NAA16: variants seen among roughly 807,000 people sequenced by gnomAD.
NAA16 encodes the protein N-alpha-acetyltransferase 16, NatA auxiliary subunit.
A neutral mutation model predicts 110.3 loss-of-function variants in NAA16; 97 were observed. That is an observed-to-expected ratio of 0.88 (90% confidence interval 0.75 to 1.04). NAA16 has a LOEUF of 1.04. Among genes scored for constraint, NAA16 ranks in the 50% least tolerant of loss-of-function variants. NAA16 has a pLI of 0.00. For missense variants in NAA16, 1,017 were observed against 1,005.1 expected (o/e 1.01, Z -0.16); for synonymous variants, 372 against 330.6 (o/e 1.13, Z -1.36).
Position 41,316,865 on chromosome 13 carries a change from A to T in NAA16, c.74A>T (p.Gln25Leu). The T allele has an allele frequency of 6.2e-7, 1 of 1,612,820 alleles. No individual in the cohort carries two copies. The highest frequency in any genetic ancestry group is 8.5e-7 in the Non-Finnish European group (1 of 1,178,898). Residue 25 changes from glutamine (Q) to leucine (L), a missense_variant, in exon 2 of 20, where the codon CAG becomes CTG. By Grantham distance (113) the Gln-to-Leu change is moderately radical. Coordinates refer to ENST00000379406, the MANE Select transcript of NAA16 (RefSeq NM_024561.5). The stretch of plus-strand genomic sequence containing the variant: ...TTACAGAAATGTTATGAACAGAAGC[A>T]GTACAAAAATGGCCTCAAGTTTTGC... ...KRILKCYEQK[Q>L]YKNGLKFCKM...
chr13:41,318,223 A>G (rs769258321), intron 2 of NAA16, among the ~76,000 whole-genome samples: 9 of 146,762 alleles, frequency 6.1e-5, no homozygotes, highest in Non-Finnish European at 9.0e-5. Context: ...TTTTTTTTTT[A>G]AGACAGAGTC....
At chr13:41,342,899 G>A (rs1362190711) in intron 9 of NAA16, among the ~76,000 whole-genome samples, 2 of 152,028 alleles carry the variant, frequency 1.3e-5, no homozygotes, top group Non-Finnish European at 2.9e-5. Flanking sequence ...ATCAGTTTCC[G>A]TGTTCTCAAA....
chr13:41,316,539 A>G (rs1031920946), intron 1 of NAA16, among the ~76,000 whole-genome samples: 2 of 152,086 alleles, frequency 1.3e-5, no homozygotes, highest in Non-Finnish European at 2.9e-5. Context: ...TCCTGAGCTC[A>G]AGCGATCCGC....
At position 41,350,627 on chromosome 13, in the gene NAA16, TG is replaced by T. The variant is rs200477672; in HGVS notation, c.1015-4516del. ...TTTTTGTTTTTTTTTTTTGTTTGTTTGTTTTTTTTAAGATAAGAGTTTCACT... is the reference window on the plus strand; with the variant it reads ...TTTTTGTTTTTTTTTTTTGTTTGTTTTTTTTTTTAAGATAAGAGTTTCACT... On this transcript the variant is annotated intron_variant, in intron 9 of 19. Coordinates refer to ENST00000379406, the MANE Select transcript of NAA16 (RefSeq NM_024561.5). Among the ~76,000 whole-genome samples the T allele has an allele frequency of 2.5e-3, 265 of 104,498 alleles. 5 individuals are homozygous for T. The highest frequency in any genetic ancestry group is 0.015 in the South Asian group (50 of 3,406). 68.6% of individuals were successfully genotyped at this position (104,498 alleles called of 152,430 possible). A position where few individuals can be genotyped will look rare whatever the true frequency, so the allele number is the denominator to read the frequency against.
chr13:41,374,972 C>A, intron 19 of NAA16, 133 bp downstream of exon 19: 1 of 609,488 alleles, frequency 1.6e-6, no homozygotes, highest in Non-Finnish European at 2.9e-6. Flanking sequence ...TTATGAGATG[C>A]GTAACTTTAG....
At chr13:41,334,558 G>A (rs1372626303) in intron 8 of NAA16, among the ~76,000 whole-genome samples, 2 of 152,262 alleles carry the variant, frequency 1.3e-5, no homozygotes, top group African/African-American at 4.8e-5. Context: ...TCATGCTAAT[G>A]TATCTAGATG....
rs752901505 is a variant in NAA16, at chr13:41,355,210, C to G, written c.1081C>G (p.Pro361Ala). Residue 361 changes from proline (P) to alanine (A), a missense_variant, in exon 10 of 20, where the codon CCA becomes GCA. By Grantham distance (27) the Pro-to-Ala change is conservative. Transcript: ENST00000379406. The part of the protein sequence containing the change: ...ASLKTCDFFS[P>A]YENGEKEPPT... ...TCTTAAAACGTGTGACTTTTTTAGC[C>G]CATATGGTAAGTTTAAATTAGATTG... is the stretch of plus-strand genomic sequence containing the variant. 3.8e-6 allele frequency: 6 copies of G among 1,568,670 alleles called. No individual in the cohort carries two copies. The South Asian group carries it at 7.0e-5, about 18-fold the overall frequency.
intron 9 of NAA16, among the ~76,000 whole-genome samples, chr13:41,342,117 C>T (rs2042566102): frequency 6.7e-6 from 1 of 149,288 alleles, no homozygotes. Context: ...CAGGCGTGAG[C>T]CACCGCACCG....
chr13:41,325,681 T>C lies in NAA16; in HGVS notation c.538-17T>C. The C allele has an allele frequency of 6.6e-7, 1 of 1,512,028 alleles. No homozygotes were observed. Among genetic ancestry groups the C allele is most frequent in the Non-Finnish European group, 9.0e-7 (1 of 1,108,048 alleles). The allele number at this position is 1,512,028 out of a possible 1,614,324, so 93.7% of individuals were successfully genotyped here. On this transcript the variant is annotated splice_polypyrimidine_tract_variant and intron_variant, in intron 5 of 19. Coordinates refer to ENST00000379406, the MANE Select transcript of NAA16 (RefSeq NM_024561.5). Reference sequence around the variant, plus strand: ...ATATAATTATACAAATAAAGTAATTTGGTCATTTTTTTTCAGGTTCCTCCA... The same window carrying C: ...ATATAATTATACAAATAAAGTAATTCGGTCATTTTTTTTCAGGTTCCTCCA...
chr13:41,340,828 C>T (rs1393104633), intron 9 of NAA16, among the ~76,000 whole-genome samples: 1 of 151,880 alleles, frequency 6.6e-6, no homozygotes, highest in African/African-American at 2.4e-5. Flanking sequence ...AGGCGCCTGC[C>T]ACCGTGCCCG....
chr13:41,365,783 A>G (rs1315244445), intron 13 of NAA16, among the ~76,000 whole-genome samples: 1 of 152,176 alleles, frequency 6.6e-6, no homozygotes, highest in African/African-American at 2.4e-5. Flanking sequence ...GGTGGCTTAA[A>G]TATTTGTGGT....
At position 41,323,588 on chromosome 13, in the gene NAA16, G is replaced by A. The variant is rs947463822; in HGVS notation, c.537+398G>A. ...AGGATGGTCTCGATCTTCCGACCTC[G>A]TGATCCGCCCACCTCGGCCTCCCAA... On this transcript the variant is annotated intron_variant, in intron 5 of 19. Transcript: ENST00000379406. 3.3e-5 allele frequency among the ~76,000 whole-genome samples: 5 copies of A among 151,716 alleles called. No individual in the cohort carries two copies. The South Asian group carries it at 8.3e-4, about 25-fold the overall frequency.
At chr13:41,317,150 C>T (rs761994216) in intron 2 of NAA16, among the ~76,000 whole-genome samples, 1 of 151,880 alleles carries the variant, frequency 6.6e-6, no homozygotes, top group Non-Finnish European at 1.5e-5. Context: ...GTTCGTTTAT[C>T]TATTGGGGAA....
intron 13 of NAA16, among the ~76,000 whole-genome samples, chr13:41,365,461 A>G (rs1374456732): frequency 6.6e-6 from 1 of 152,196 alleles, no homozygotes; most frequent in Non-Finnish European, 1.5e-5. Flanking sequence ...AAAAAAATTC[A>G]ACCCGAGATT....
chr13:41,339,341 G>A (rs892276399), intron 9 of NAA16, among the ~76,000 whole-genome samples: 20 of 152,110 alleles, frequency 1.3e-4, no homozygotes, highest in South Asian at 8.3e-4. Flanking sequence ...GTTTCTCCAC[G>A]TTGGTCAGGT....
rs906932602 is a variant in NAA16 at position 41,311,387 on chromosome 13, A to G, written c.-142A>G. On this transcript the variant is annotated 5_prime_UTR_variant, in exon 1 of 20. Transcript: ENST00000379406. ...CCGTGCCGAACAGCCAGGCTGCCCAATTGCAACTGTAGACCAATGAACTAA... is the reference window on the plus strand; with the variant it reads ...CCGTGCCGAACAGCCAGGCTGCCCAGTTGCAACTGTAGACCAATGAACTAA... 1.1e-4 allele frequency: 81 copies of G among 756,362 alleles called. No individual in the cohort carries two copies. Among genetic ancestry groups the G allele is most frequent in the African/African-American group, 9.4e-4 (52 of 55,274 alleles). 46.9% of individuals were successfully genotyped at this position (756,362 alleles called of 1,614,324 possible).
chr13:41,367,990 G>C (rs1458859489), intron 14 of NAA16, among the ~76,000 whole-genome samples: 1 of 152,182 alleles, frequency 6.6e-6, no homozygotes, highest in East Asian at 1.9e-4. Context: ...TTGAGGCCAG[G>C]AGTTCAAGAC....
intron 12 of NAA16, among the ~76,000 whole-genome samples, chr13:41,360,905 A>C (rs1044527895): frequency 5.9e-5 from 9 of 152,244 alleles, no homozygotes; most frequent in Admixed American, 2.0e-4. Context: ...ACCATTAACA[A>C]AATGGAAAAT....
chr13:41,335,333 C>T (rs989559660), intron 8 of NAA16, among the ~76,000 whole-genome samples: 2 of 152,078 alleles, frequency 1.3e-5, no homozygotes, highest in Non-Finnish European at 2.9e-5. Context: ...ATGGTATTGC[C>T]TTCATTTTAC....
Sources: allele counts gnomAD v4.1 joint callset (sites outside exome capture counted in the v4.1 genomes callset), GRCh38; gene constraint gnomAD v4.1.1; transcripts MANE v1.5; gene names NCBI Gene and HGNC (gene_info 2026-07-23, HGNC 2026-07-21).